Variants in RTF1 observed in about 807,000 individuals in gnomAD.
The protein encoded by RTF1 is RNA polymerase-associated protein RTF1 homolog.
RTF1 carries 10 observed loss-of-function variants against 95.7 expected under a neutral mutation model. The ratio of observed to expected loss-of-function variants is 0.10; its 90% confidence interval spans 0.06 to 0.18. The LOEUF (loss-of-function observed/expected upper bound fraction) is 0.18. Ranked by LOEUF, RTF1 falls within the 10% of genes least tolerant of loss-of-function variation. RTF1 has a pLI of 1.00. For missense variants in RTF1, 458 were observed against 875.6 expected (o/e 0.52, Z 6.02); for synonymous variants, 305 against 311.8 (o/e 0.98, Z 0.23).
chr15:41,450,594 A>G (rs1566842516), intron 2 of RTF1, among the ~76,000 whole-genome samples: 1 of 151,994 alleles, frequency 6.6e-6, no homozygotes, highest in African/African-American at 2.4e-5. Flanking sequence ...CAAAAAAAAA[A>G]AAAAAAATTA....
intron 2 of RTF1, among the ~76,000 whole-genome samples, chr15:41,443,689 G>A (rs1270553923): frequency 5.9e-5 from 9 of 151,784 alleles, no homozygotes; most frequent in Non-Finnish European, 5.9e-5. Context: ...TGCTTAAGCT[G>A]GGAAGTTCGG....
rs941250850 is a variant in RTF1 at position 41,438,425 on chromosome 15, C to T, written c.303C>T (p.Asp101=). ...ASSDSETSDS[D]DEWTFGSNKN... ...CAGACTCGGAGACGTCTGACAGTGA[C>T]GATGAGGTGGGTGTGGAGGGCCTCG... is the stretch of plus-strand genomic sequence containing the variant. The change falls in exon 2 of 18, where the codon GAC becomes GAT. Residue 101 remains aspartate, a synonymous_variant. Transcript: ENST00000389629. The T allele has an allele frequency of 4.8e-5, 75 of 1,548,744 alleles. No individual in the cohort carries two copies. Among genetic ancestry groups the T allele is most frequent in the African/African-American group, 2.3e-4 (17 of 72,962 alleles).
intron 13 of RTF1, 37 bp from the exon 14 acceptor site, chr15:41,477,421 G>T (rs1437623889): frequency 6.2e-7 from 1 of 1,613,752 alleles, no homozygotes; most frequent in Non-Finnish European, 8.5e-7. Context: ...TCCCTCCCTT[G>T]TTTCACAGCC....
chr15:41,472,088 G>A (rs1446853998), intron 8 of RTF1, among the ~76,000 whole-genome samples: 2 of 151,790 alleles, frequency 1.3e-5, no homozygotes, highest in South Asian at 2.1e-4. Flanking sequence ...TAGTAGAGAC[G>A]GGGTTTCACC....
intron 12 of RTF1, among the ~76,000 whole-genome samples, chr15:41,476,824 C>T (rs1311359968): frequency 6.6e-6 from 1 of 152,252 alleles, no homozygotes; most frequent in African/African-American, 2.4e-5. Context: ...ACAGATGACA[C>T]TGTCAAGGCC....
Position 41,449,227 on chromosome 15 carries a change from A to ATTTTTTTTT in RTF1, c.310-3661_310-3653dup, listed in dbSNP as rs34660598. Among the ~76,000 whole-genome samples, 65 of 109,296 alleles carry ATTTTTTTTT rather than the reference A, an allele frequency of 5.9e-4. 4 individuals are homozygous for ATTTTTTTTT. Among genetic ancestry groups the ATTTTTTTTT allele is most frequent in the African/African-American group, 2.0e-3 (54 of 26,400 alleles). The allele number at this position is 109,296 out of a possible 152,430, so 71.7% of individuals were successfully genotyped here. A position where few individuals can be genotyped will look rare whatever the true frequency, so the allele number is the denominator to read the frequency against. On this transcript the variant is annotated intron_variant, in intron 2 of 17. Coordinates refer to ENST00000389629, the MANE Select transcript of RTF1 (RefSeq NM_015138.5). ...TTGTCCCTGTTGTGGAGGCAGGTGA[A>ATTTTTTTTT]TTTTTTTTTTTTTTTTTTTTTGAGA...
At position 41,450,855 on chromosome 15, in the gene RTF1, G is replaced by A. The variant is rs185647547; in HGVS notation, c.310-2046G>A. Among the ~76,000 whole-genome samples, 4 of 151,964 alleles carry A rather than the reference G, an allele frequency of 2.6e-5. No homozygotes were observed. In the East Asian group the frequency reaches 5.8e-4, roughly 22 times the overall value. On this transcript the variant is annotated intron_variant, in intron 2 of 17. Coordinates refer to ENST00000389629, the MANE Select transcript of RTF1 (RefSeq NM_015138.5). ...AGTCCCAGCTACTCAGGAGGCTGAG[G>A]TAGGAGGATCACTTGAACCTGGGAG...
chr15:41,471,585 A>G (rs2050911914), intron 8 of RTF1, among the ~76,000 whole-genome samples: 1 of 152,148 alleles, frequency 6.6e-6, no homozygotes, highest in South Asian at 2.1e-4. Context: ...AATTTTCTCT[A>G]TTCTCCCTTC....
chr15:41,429,308 G>T (rs1007219892), intron 1 of RTF1, among the ~76,000 whole-genome samples: 1 of 152,118 alleles, frequency 6.6e-6, no homozygotes, highest in Admixed American at 6.6e-5. Context: ...TCGTCATCTC[G>T]TAGATCCTTC....
intron 1 of RTF1, among the ~76,000 whole-genome samples, chr15:41,430,941 C>T (rs1364641085): frequency 2.0e-5 from 3 of 151,886 alleles, no homozygotes; most frequent in Non-Finnish European, 4.4e-5. Context: ...CTTGCACTGT[C>T]GCCCGGGCTG....
chr15:41,470,765 T>G (rs977371802), intron 7 of RTF1, among the ~76,000 whole-genome samples: 2 of 149,902 alleles, frequency 1.3e-5, no homozygotes, highest in Admixed American at 1.3e-4. Context: ...TTCACGCCAT[T>G]CTCTTGCCTC....
chr15:41,426,781 A>ATATGTGTGTG (rs767579491), intron 1 of RTF1, among the ~76,000 whole-genome samples: 4 of 78,458 alleles, frequency 5.1e-5, no homozygotes, highest in East Asian at 4.1e-4. Flanking sequence ...CTACATATAT[A>ATATGTGTGTG]TGTGTGTGTG....
chr15:41,434,323 C>T (rs951443817), intron 1 of RTF1, among the ~76,000 whole-genome samples: 1 of 152,074 alleles, frequency 6.6e-6, no homozygotes, highest in Admixed American at 6.6e-5. Flanking sequence ...CAAACTGATA[C>T]ATTCATACAG....
chr15:41,478,536 T>G lies in RTF1; in HGVS notation c.1741-12T>G. On this transcript the variant is annotated splice_polypyrimidine_tract_variant and intron_variant, in intron 14 of 17. Coordinates refer to ENST00000389629, the MANE Select transcript of RTF1 (RefSeq NM_015138.5). ...GGAGGTGCAGTTCTGTGGTGCATGCTTTCTGTTTCAGGCTGAAAGTCACAA... is the reference window on the plus strand; with the variant it reads ...GGAGGTGCAGTTCTGTGGTGCATGCGTTCTGTTTCAGGCTGAAAGTCACAA... The G allele has an allele frequency of 6.2e-7, 1 of 1,612,954 alleles. No homozygotes were observed. The highest frequency in any genetic ancestry group is 1.1e-5 in the South Asian group (1 of 91,036).
chr15:41,423,113 A>G (rs866364726), intron 1 of RTF1, among the ~76,000 whole-genome samples: 1 of 152,048 alleles, frequency 6.6e-6, no homozygotes, highest in Non-Finnish European at 1.5e-5. Context: ...TAGATACTAC[A>G]TGTAAAGAAT....
intron 4 of RTF1, among the ~76,000 whole-genome samples, chr15:41,464,358 C>T (rs1595437046): frequency 1.3e-5 from 2 of 149,490 alleles, no homozygotes; most frequent in African/African-American, 2.5e-5. Context: ...AAGCGATTCT[C>T]CTGCCTCAGC....
intron 1 of RTF1, among the ~76,000 whole-genome samples, chr15:41,427,814 T>C (rs1475651930): frequency 6.6e-6 from 1 of 152,132 alleles, no homozygotes; most frequent in Non-Finnish European, 1.5e-5. Context: ...AAATGGAGTT[T>C]TGCTCTTTGT....
intron 6 of RTF1, among the ~76,000 whole-genome samples, chr15:41,467,629 C>T (rs376129528): frequency 2.6e-5 from 4 of 151,980 alleles, no homozygotes; most frequent in African/African-American, 9.6e-5. Flanking sequence ...GCAGGAGAAT[C>T]CCTTGAACCC....
Position 41,421,232 on chromosome 15 carries a change from G to A in RTF1, c.198+3919G>A, listed in dbSNP as rs553171161. ...AGCACTTTGGGAGGCCGAGGTGGGC[G>A]GATCACCTGAGGTTGGGAGTTTGAG... On this transcript the variant is annotated intron_variant, in intron 1 of 17. Transcript: ENST00000389629. 1.8e-4 allele frequency among the ~76,000 whole-genome samples: 27 copies of A among 152,192 alleles called. No individual in the cohort carries two copies. The East Asian group carries it at 4.1e-3, about 23-fold the overall frequency.
Sources: allele counts gnomAD v4.1 joint callset (sites outside exome capture counted in the v4.1 genomes callset), GRCh38; gene constraint gnomAD v4.1.1; transcripts MANE v1.5; gene names NCBI Gene and HGNC (gene_info 2026-07-23, HGNC 2026-07-21).